Variants in TRIP12 observed in about 807,000 individuals in gnomAD.
The protein encoded by TRIP12 is thyroid hormone receptor interactor 12, also known as E3 ubiquitin-protein ligase TRIP12.
Under a neutral mutation model 244.2 loss-of-function variants are expected in TRIP12, and 25 were observed. The observed-to-expected ratio is 0.10, with a 90% CI of 0.07 to 0.14. The LOEUF is 0.14. Ranked by LOEUF, TRIP12 falls within the 10% of genes least tolerant of loss-of-function variation. TRIP12 has a pLI of 1.00. For missense variants in TRIP12, 1,677 were observed against 2,486.4 expected (o/e 0.67, Z 6.92); for synonymous variants, 905 against 873.1 (o/e 1.04, Z -0.64).
At chr2:229,789,866 G>C in intron 30 of TRIP12, 104 bp from the exon 31 acceptor site, 1 of 1,247,710 alleles carries the variant, frequency 8.0e-7, no homozygotes, top group South Asian at 1.5e-5. Flanking sequence ...AGTTGTTATA[G>C]TCAACGCTTG....
chr2:229,823,493 T>C (rs938929764), intron 8 of TRIP12, among the ~76,000 whole-genome samples: 1 of 151,306 alleles, frequency 6.6e-6, no homozygotes, highest in African/African-American at 2.4e-5. Context: ...GCTAACACGG[T>C]GAAACCCTAT....
chr2:229,783,085 T>C (rs1449599219), intron 34 of TRIP12, among the ~76,000 whole-genome samples: 1 of 152,246 alleles, frequency 6.6e-6, no homozygotes, highest in Non-Finnish European at 1.5e-5. Context: ...CAGCAAGCTA[T>C]ACAACTGGCG....
chr2:229,921,066 C>T (rs1454853844), intron 1 of TRIP12, among the ~76,000 whole-genome samples: 1 of 150,930 alleles, frequency 6.6e-6, no homozygotes, highest in African/African-American at 2.4e-5. Flanking sequence ...CACCAATTTC[C>T]ATTCTGATCT....
chr2:229,814,412 T>C, intron 11 of TRIP12, 87 bp from the exon 12 acceptor site: 4 of 1,312,398 alleles, frequency 3.0e-6, no homozygotes, highest in Non-Finnish European at 4.3e-6. Flanking sequence ...CTAATTTACA[T>C]CCATGTATAC....
In TRIP12 at chr2:229,787,619, A is replaced by G; in HGVS notation, c.4881T>C (p.Tyr1627=). 1 of 1,610,712 alleles carries G rather than the reference A, an allele frequency of 6.2e-7. No homozygotes were observed. Among genetic ancestry groups the G allele is most frequent in the Non-Finnish European group, 8.5e-7 (1 of 1,178,722 alleles). The stretch of plus-strand genomic sequence containing the variant: ...CTCGGTCCCGATCAAATGCAGTTAC[A>G]TAAAAAAGCATTTGCCGGGTATCAA... ...FPFDTRQMLF[Y]VTAFDRDRAM... The change falls in exon 33 of 42, where the codon TAT becomes TAC. Residue 1627 remains tyrosine, a synonymous_variant. Transcript: ENST00000675903.
chr2:229,871,718 G>A (rs1174242064), intron 2 of TRIP12, among the ~76,000 whole-genome samples: 1 of 152,102 alleles, frequency 6.6e-6, no homozygotes, highest in African/African-American at 2.4e-5. Flanking sequence ...CAATGCTGAA[G>A]CCTAATATAA....
At chr2:229,865,006 A>G (rs1195443067) in intron 2 of TRIP12, among the ~76,000 whole-genome samples, 1 of 152,158 alleles carries the variant, frequency 6.6e-6, no homozygotes, top group African/African-American at 2.4e-5. Flanking sequence ...CCTAAACTTT[A>G]TATCAAGAGC....
At chr2:229,826,523 T>C (rs2051646646) in intron 8 of TRIP12, among the ~76,000 whole-genome samples, 3 of 152,356 alleles carry the variant, frequency 2.0e-5, no homozygotes, top group East Asian at 3.9e-4. Flanking sequence ...TTGAACTACA[T>C]GATGAAATTT....
Position 229,815,206 on chromosome 2 carries a change from G to T in TRIP12, c.1636-12C>A. The T allele has an allele frequency of 6.2e-7, 1 of 1,606,958 alleles. No homozygotes were observed. The highest frequency in any genetic ancestry group is 8.5e-7 in the Non-Finnish European group (1 of 1,177,294). On this transcript the variant is annotated splice_polypyrimidine_tract_variant and intron_variant, in intron 10 of 41. Coordinates refer to ENST00000675903, the MANE Select transcript of TRIP12 (RefSeq NM_001348323.3). ...CAAGCATGGTTCATCTAGAAAAGAA[G>T]AGATTTTAATGAGTAAAAACTCAAA...
At chr2:229,784,275 G>A (rs1231513404) in intron 34 of TRIP12, among the ~76,000 whole-genome samples, 1 of 151,312 alleles carries the variant, frequency 6.6e-6, no homozygotes, top group East Asian at 1.9e-4. Context: ...CCCACAAAGG[G>A]GTCAAGGTAA....
intron 1 of TRIP12, among the ~76,000 whole-genome samples, chr2:229,897,897 C>A (rs2069349735): frequency 6.6e-6 from 1 of 152,160 alleles, no homozygotes; most frequent in Non-Finnish European, 1.5e-5. Flanking sequence ...CAGATAGTCA[C>A]AACACCTGCC....
At chr2:229,861,185 A>G (rs1213460709) in intron 2 of TRIP12, among the ~76,000 whole-genome samples, 2 of 152,238 alleles carry the variant, frequency 1.3e-5, no homozygotes, top group African/African-American at 2.4e-5. Flanking sequence ...TTACCACAAA[A>G]GTTCCAAAAA....
At chr2:229,913,550 T>C (rs1172445535) in intron 1 of TRIP12, among the ~76,000 whole-genome samples, 2 of 152,256 alleles carry the variant, frequency 1.3e-5, no homozygotes, top group African/African-American at 2.4e-5. Flanking sequence ...TAAAATATTC[T>C]AGGGTCTTAA....
In TRIP12 at chr2:229,798,865, C is replaced by T; in HGVS notation, c.3482+10G>A. The T allele has an allele frequency of 1.2e-6, 2 of 1,610,286 alleles. No individual in the cohort carries two copies. Among genetic ancestry groups the T allele is most frequent in the Non-Finnish European group, 1.7e-6 (2 of 1,178,908 alleles). On this transcript the variant is annotated intron_variant, in intron 23 of 41. Transcript: ENST00000675903. ...GGAATAGAAGAAACATAAAACTCCC[C>T]CCACTTCACCTATTATTGGAGATGG...
At chr2:229,918,335 G>C (rs1227999434) in intron 1 of TRIP12, among the ~76,000 whole-genome samples, 1 of 152,146 alleles carries the variant, frequency 6.6e-6, no homozygotes, top group Non-Finnish European at 1.5e-5. Flanking sequence ...GTTTTGACTT[G>C]AGTCCATCAA....
intron 37 of TRIP12, 47 bp from the exon 38 acceptor site, chr2:229,774,308 T>TA (rs1374884911): frequency 1.7e-5 from 27 of 1,544,372 alleles, no homozygotes; most frequent in Non-Finnish European, 2.4e-5. Context: ...AAAATTAACT[T>TA]ACGGTTGTTT....
chr2:229,774,010 T>C (rs765689060), intron 38 of TRIP12, 87 bp downstream of exon 38: 128 of 1,423,662 alleles, frequency 9.0e-5, no homozygotes, highest in Non-Finnish European at 1.2e-4. Context: ...TCTCAAGCCA[T>C]AGCGTGTGCA....
chr2:229,831,683 T>G (rs2053430621), intron 6 of TRIP12, among the ~76,000 whole-genome samples: 1 of 152,050 alleles, frequency 6.6e-6, no homozygotes, highest in Non-Finnish European at 1.5e-5. Context: ...TCAAAACTAG[T>G]GTGAAATGAA....
chr2:229,828,661 C>T (rs1490651391), intron 8 of TRIP12, among the ~76,000 whole-genome samples: 2 of 152,028 alleles, frequency 1.3e-5, no homozygotes, highest in African/African-American at 2.4e-5. Context: ...ATCCCAGCTA[C>T]TCAGGAGGCT....
Sources: gnomAD v4.1 joint callset for allele counts (sites outside exome capture counted in the v4.1 genomes callset) on GRCh38, gnomAD v4.1.1 for gene constraint, MANE v1.5 for transcripts, NCBI Gene and HGNC (gene_info 2026-07-23, HGNC 2026-07-21) for gene names.